STK3: variants seen among roughly 807,000 people sequenced by gnomAD.
STK3 encodes serine/threonine kinase 3.
A neutral mutation model predicts 58.0 loss-of-function variants in STK3; 41 were observed. The observed-to-expected ratio is 0.71, with a 90% CI of 0.55 to 0.92. The LOEUF (loss-of-function observed/expected upper bound fraction) is 0.92, where lower values mean the gene tolerates loss of function less well. Ranked by LOEUF, STK3 falls within the 40% of genes least tolerant of loss-of-function variation. The pLI, the probability that STK3 is intolerant of heterozygous loss-of-function variation, is 0.00. For synonymous variants in STK3, 170 were observed against 191.0 expected, an observed-to-expected ratio of 0.89 and a Z score of 0.91; for missense variants, 479 against 602.7, an observed-to-expected ratio of 0.79 and a Z score of 2.15.
chr8:98,613,514 G>C (rs544545309), intron 6 of STK3, among the ~76,000 whole-genome samples: 13 of 152,050 alleles, frequency 8.5e-5, no homozygotes, highest in Non-Finnish European at 1.9e-4. Context: ...CCAGTACCTT[G>C]TGATAATTTA....
chr8:98,347,649 C>A, the STK3 span, among the ~76,000 whole-genome samples: 1 of 152,044 alleles, frequency 6.6e-6, no homozygotes, highest in Non-Finnish European at 1.5e-5. Context: ...CTACCCATAT[C>A]AACAATACAT....
At chr8:98,571,506 T>C (rs1812963963) in intron 8 of STK3, among the ~76,000 whole-genome samples, 1 of 152,158 alleles carries the variant, frequency 6.6e-6, no homozygotes, top group Non-Finnish European at 1.5e-5. Context: ...ATGCTGAGAA[T>C]TAATTGCTTT....
At chr8:98,696,709 ACTTGATC>A (rs1824977344) in intron 6 of STK3, among the ~76,000 whole-genome samples, 1 of 152,184 alleles carries the variant, frequency 6.6e-6, no homozygotes, top group Admixed American at 6.5e-5. Flanking sequence ...GATGAAGCCC[ACTTGATC>A]ATGGTGGATA....
chr8:98,583,600 C>A (rs965208582), intron 7 of STK3, among the ~76,000 whole-genome samples: 1 of 152,094 alleles, frequency 6.6e-6, no homozygotes, highest in Non-Finnish European at 1.5e-5. Flanking sequence ...ATAAGCTCTT[C>A]TGTATCTCTT....
chr8:98,893,475 A>AG (rs1491268811), intron 1 of STK3, among the ~76,000 whole-genome samples: 3 of 70,684 alleles, frequency 4.2e-5, no homozygotes, highest in African/African-American at 2.2e-4. Flanking sequence ...AGAAAGAAAG[A>AG]AAGAAAGAAA....
At chr8:98,463,905 A>G (rs554436606) in intron 10 of STK3, among the ~76,000 whole-genome samples, 6 of 152,292 alleles carry the variant, frequency 3.9e-5, no homozygotes, top group African/African-American at 1.4e-4. Flanking sequence ...CAGTCTGTCA[A>G]AATAAATGAG....
At chr8:98,474,963 A>G (rs1821199624) in intron 10 of STK3, among the ~76,000 whole-genome samples, 1 of 152,228 alleles carries the variant, frequency 6.6e-6, no homozygotes, top group Non-Finnish European at 1.5e-5. Flanking sequence ...TGCTTTAAGA[A>G]TAAGAGCCAT....
intron 1 of STK3, among the ~76,000 whole-genome samples, chr8:98,386,948 AC>A: frequency 1.3e-5 from 2 of 152,336 alleles, no homozygotes; most frequent in African/African-American, 4.8e-5. Flanking sequence ...ACAGGGCGAG[AC>A]CCTGTCTCAA....
chr8:98,537,818 A>G (rs1809894950), intron 9 of STK3, among the ~76,000 whole-genome samples: 1 of 152,154 alleles, frequency 6.6e-6, no homozygotes, highest in South Asian at 2.1e-4. Context: ...CTCTTTGTGG[A>G]TAAGAAATTT....
intron 6 of STK3, among the ~76,000 whole-genome samples, chr8:98,652,163 T>G (rs1242626119): frequency 6.6e-6 from 1 of 152,106 alleles, no homozygotes; most frequent in Non-Finnish European, 1.5e-5. Context: ...CAGAAGACAG[T>G]GGGGGCCAAT....
At chr8:98,663,214 A>G (rs1425715984) in intron 6 of STK3, among the ~76,000 whole-genome samples, 1 of 152,222 alleles carries the variant, frequency 6.6e-6, no homozygotes, top group Non-Finnish European at 1.5e-5. Flanking sequence ...GGTGAAGGAT[A>G]TGAACAGACA....
intron 1 of STK3, among the ~76,000 whole-genome samples, chr8:98,778,566 A>G (rs1159271698): frequency 1.3e-5 from 2 of 152,188 alleles, no homozygotes; most frequent in African/African-American, 2.4e-5. Context: ...TGCTGCTATA[A>G]AGACACATGC....
intron 1 of STK3, among the ~76,000 whole-genome samples, chr8:98,888,632 G>A (rs1477555730): frequency 6.6e-6 from 1 of 152,212 alleles, no homozygotes; most frequent in Non-Finnish European, 1.5e-5. Context: ...CAGGCCTCCT[G>A]AGGGTCCCAC....
chr8:98,382,314 G>C (rs140167497), intron 1 of STK3, among the ~76,000 whole-genome samples: 7 of 152,332 alleles, frequency 4.6e-5, no homozygotes, highest in African/African-American at 1.7e-4. Context: ...TAGAAGAAAG[G>C]TCTTCCACAC....
At chr8:98,500,517 C>T (rs1054151451) in intron 10 of STK3, among the ~76,000 whole-genome samples, 2 of 152,190 alleles carry the variant, frequency 1.3e-5, no homozygotes, top group Non-Finnish European at 2.9e-5. Context: ...ACCCCTGCCC[C>T]CTACCCCATG....
chr8:98,461,951 T>C (rs1820015474), intron 10 of STK3, among the ~76,000 whole-genome samples: 1 of 75,902 alleles, frequency 1.3e-5, no homozygotes, highest in South Asian at 5.9e-4. Context: ...AAGTTCTTTT[T>C]TAATTAAAAC....
At chr8:98,912,436 G>C (rs1401096513) in intron 1 of STK3, among the ~76,000 whole-genome samples, 1 of 152,042 alleles carries the variant, frequency 6.6e-6, no homozygotes, top group Non-Finnish European at 1.5e-5. Context: ...TTGATCGCTG[G>C]TAAAGCTGGA....
chr8:98,767,689 T>C (rs1453086952), intron 2 of STK3, among the ~76,000 whole-genome samples: 2 of 152,244 alleles, frequency 1.3e-5, no homozygotes, highest in Middle Eastern at 3.4e-3. Context: ...ATTAAAAGAA[T>C]GAAATGTAGA....
chr8:98,636,455 C>G (rs1044650733), intron 6 of STK3, among the ~76,000 whole-genome samples: 4 of 152,102 alleles, frequency 2.6e-5, no homozygotes, highest in African/African-American at 9.7e-5. Flanking sequence ...GCACGAAAGA[C>G]TATCATGTTA....
Sources: gnomAD v4.1 joint callset for allele counts (sites outside exome capture counted in the v4.1 genomes callset) on GRCh38, gnomAD v4.1.1 for gene constraint, MANE v1.5 for transcripts, NCBI Gene and HGNC (gene_info 2026-07-23, HGNC 2026-07-21) for gene names.